The following BIN3 variants were observed in gnomAD, a reference collection of about 807,000 sequenced individuals.
BIN3 encodes the protein bridging integrator 3.
A neutral mutation model predicts 38.2 loss-of-function variants in BIN3; 41 were observed. The observed-to-expected ratio is 1.07, with a 90% CI of 0.84 to 1.39. The LOEUF is 1.39. Among genes scored for constraint, BIN3 ranks in the 40% most tolerant of loss-of-function variants. The pLI, the probability that BIN3 is intolerant of heterozygous loss-of-function variation, is 0.00. For synonymous variants in BIN3, 145 were observed against 122.6 expected (o/e 1.18, Z -1.21); for missense variants, 361 against 324.3 (o/e 1.11, Z -0.87).
chr8:22,625,821 TG>T, intron 6 of BIN3: 1 of 143,038 alleles, frequency 7.0e-6, no homozygotes, highest in Non-Finnish European at 1.6e-5. Context: ...CTCCTGACCT[TG>T]AGTAATCCAC....
chr8:22,627,412 C>G (rs1359439853), intron 6 of BIN3, among the ~76,000 whole-genome samples: 1 of 152,200 alleles, frequency 6.6e-6, no homozygotes, highest in African/African-American at 2.4e-5. Flanking sequence ...CAGACTTTGC[C>G]AAAGCCCCGG....
intron 1 of BIN3, among the ~76,000 whole-genome samples, chr8:22,652,613 T>C (rs1401377828): frequency 6.6e-6 from 1 of 152,260 alleles, no homozygotes; most frequent in African/African-American, 2.4e-5. Context: ...CCCTCAGCTG[T>C]GCTGGCTGCC....
intron 1 of BIN3, among the ~76,000 whole-genome samples, chr8:22,648,752 A>G (rs530241703): frequency 9.9e-5 from 15 of 152,168 alleles, no homozygotes; most frequent in South Asian, 2.1e-4. Flanking sequence ...CAACCATTCA[A>G]TATCAGTATG....
chr8:22,642,225 C>T (rs1205714167), intron 2 of BIN3, among the ~76,000 whole-genome samples: 1 of 152,146 alleles, frequency 6.6e-6, no homozygotes, highest in Non-Finnish European at 1.5e-5. Context: ...CACAGCTGCT[C>T]CCCTCCCTGA....
chr8:22,621,138 C>A lies in BIN3; in HGVS notation c.*284G>T. ...GCCCATGGCCTCAGAAGGGCTGCAG[C>A]TTGCTCAGGCCGTGGGCCAGGATGC... On this transcript the variant is annotated 3_prime_UTR_variant, in exon 9 of 9. Transcript: ENST00000276416. The A allele has an allele frequency of 2.6e-6, 1 of 385,846 alleles. No individual in the cohort carries two copies. Among genetic ancestry groups the A allele is most frequent in the South Asian group, 3.8e-5 (1 of 26,458 alleles). 23.9% of individuals were successfully genotyped at this position (385,846 alleles called of 1,614,324 possible).
intron 6 of BIN3, chr8:22,625,008 G>A: frequency 2.8e-6 from 1 of 357,012 alleles, no homozygotes. Flanking sequence ...AGGGCTCCTT[G>A]GCAACATGAA....
rs761971660 is a variant in BIN3, at chr8:22,624,387, T to G, written c.339-24A>C. On this transcript the variant is annotated intron_variant, in intron 6 of 8. Transcript: ENST00000276416. ...ACCTGTGGGACAAGCTGGCTGGAGA[T>G]GGGCCCGTTCTTGAAGGGGTGGCCT... 6 of 1,606,512 alleles carry G rather than the reference T, an allele frequency of 3.7e-6. No homozygotes were observed. The African/African-American group carries it at 4.0e-5, about 11-fold the overall frequency.
chr8:22,656,302 G>A (rs1803056395), intron 1 of BIN3, among the ~76,000 whole-genome samples: 1 of 147,206 alleles, frequency 6.8e-6, no homozygotes, highest in Non-Finnish European at 1.5e-5. Context: ...CACATGTGAA[G>A]TTTTAGCTCT....
intron 1 of BIN3, among the ~76,000 whole-genome samples, chr8:22,668,096 T>C (rs10086255): frequency 0.049 from 7,394 of 152,250 alleles, 214 homozygotes; most frequent in East Asian, 0.096. Flanking sequence ...CACACTATAG[T>C]TGAATCCCCT....
intron 2 of BIN3, among the ~76,000 whole-genome samples, chr8:22,641,253 G>C (rs1006194240): frequency 9.2e-5 from 14 of 152,192 alleles, no homozygotes; most frequent in Non-Finnish European, 2.1e-4. Flanking sequence ...GGGCCAGGCT[G>C]GCGAGGTTAG....
Position 22,667,877 on chromosome 8 carries a change from A to T in BIN3, c.8+1167T>A, listed in dbSNP as rs557204430. Among the ~76,000 whole-genome samples, 5 of 152,342 alleles carry T rather than the reference A, an allele frequency of 3.3e-5. No homozygotes were observed. The South Asian group carries it at 1.0e-3, about 32-fold the overall frequency. ...AGAGAAGTATCCCTGACACTGACTGATATCAGCTGCTTGCGTTCTCCACTG... is the reference window on the plus strand; with the variant it reads ...AGAGAAGTATCCCTGACACTGACTGTTATCAGCTGCTTGCGTTCTCCACTG... On this transcript the variant is annotated intron_variant, in intron 1 of 8. Coordinates refer to ENST00000276416, the MANE Select transcript of BIN3 (RefSeq NM_018688.6).
At chr8:22,656,000 A>C (rs1007733715) in intron 1 of BIN3, among the ~76,000 whole-genome samples, 17 of 152,178 alleles carry the variant, frequency 1.1e-4, no homozygotes, top group South Asian at 4.1e-4. Flanking sequence ...CCTTCTCATT[A>C]AAAATTTTTT....
At chr8:22,665,854 G>A (rs1483000120) in intron 1 of BIN3, among the ~76,000 whole-genome samples, 1 of 152,202 alleles carries the variant, frequency 6.6e-6, no homozygotes, top group Non-Finnish European at 1.5e-5. Flanking sequence ...GACAGAGGTA[G>A]AAGACCCCGG....
chr8:22,634,418 C>T (rs780915056), intron 4 of BIN3: 1 of 448,784 alleles, frequency 2.2e-6, no homozygotes, highest in Non-Finnish European at 4.4e-6. Flanking sequence ...CTCACCCGGG[C>T]ATGGTGGTGG....
intron 4 of BIN3, among the ~76,000 whole-genome samples, chr8:22,631,499 G>GT (rs1802201608): frequency 6.6e-6 from 1 of 152,242 alleles, no homozygotes; most frequent in South Asian, 2.1e-4. Flanking sequence ...CGGAAATGTA[G>GT]TTTGGTTCCA....
At chr8:22,640,833 T>C (rs962887170) in intron 2 of BIN3, among the ~76,000 whole-genome samples, 1 of 152,104 alleles carries the variant, frequency 6.6e-6, no homozygotes, top group South Asian at 2.1e-4. Flanking sequence ...TCCTGGAAGC[T>C]GAGGAACTTG....
chr8:22,637,554 C>A (rs144108392), intron 2 of BIN3, among the ~76,000 whole-genome samples: 27 of 152,200 alleles, frequency 1.8e-4, no homozygotes, highest in African/African-American at 5.5e-4. Flanking sequence ...CATTCCCGAC[C>A]GGGTATCAAC....
intron 2 of BIN3, among the ~76,000 whole-genome samples, chr8:22,638,281 C>A (rs1802435043): frequency 6.6e-6 from 1 of 152,200 alleles, no homozygotes; most frequent in African/African-American, 2.4e-5. Flanking sequence ...TTCAACATAG[C>A]CCTGGAATGA....
chr8:22,635,023 G>A (rs373426449), intron 4 of BIN3, among the ~76,000 whole-genome samples: 2 of 152,190 alleles, frequency 1.3e-5, no homozygotes, highest in African/African-American at 4.8e-5. Context: ...TGGCCGAGGG[G>A]ACTGAAGATG....
Sources: gnomAD v4.1 joint callset for allele counts (sites outside exome capture counted in the v4.1 genomes callset) on GRCh38, gnomAD v4.1.1 for gene constraint, MANE v1.5 for transcripts, NCBI Gene and HGNC (gene_info 2026-07-23, HGNC 2026-07-21) for gene names.